The following PTK2B variants were observed in gnomAD, a reference collection of about 807,000 sequenced individuals.
The protein encoded by PTK2B is protein tyrosine kinase 2 beta.
PTK2B carries 71 observed loss-of-function variants against 142.9 expected under a neutral mutation model. That is an observed-to-expected ratio of 0.50 (90% CI 0.41 to 0.61). PTK2B has a LOEUF of 0.61. PTK2B is among the 20% of genes least tolerant of loss of function. PTK2B has a pLI of 0.00. For synonymous variants in PTK2B, 519 were observed against 503.4 expected (o/e 1.03, Z -0.42); for missense variants, 1,105 against 1,320.4 (o/e 0.84, Z 2.53).
intron 2 of PTK2B, among the ~76,000 whole-genome samples, chr8:27,402,571 T>C (rs567827750): frequency 6.6e-6 from 1 of 152,306 alleles, no homozygotes; most frequent in East Asian, 1.9e-4. Flanking sequence ...CAAATGTTTG[T>C]TGGATCCTTC....
At chr8:27,407,492 C>T (rs1389503813) in intron 2 of PTK2B, among the ~76,000 whole-genome samples, 1 of 152,218 alleles carries the variant, frequency 6.6e-6, no homozygotes, top group Admixed American at 6.5e-5. Flanking sequence ...GCACTTCACC[C>T]ACCTGCTGCT....
At position 27,420,644 on chromosome 8, in the gene PTK2B, T is replaced by A. The variant is rs770019973; in HGVS notation, c.384-13T>A. 2 of 1,611,512 alleles carry A rather than the reference T, an allele frequency of 1.2e-6. No individual in the cohort carries two copies. Among genetic ancestry groups the A allele is most frequent in the Non-Finnish European group, 1.7e-6 (2 of 1,177,592 alleles). ...TTCTCTGTGTCAACCAGAGCCTGAA[T>A]GTCTTGTTGCAGGTATGACCTTCAA... is the stretch of plus-strand genomic sequence containing the variant. On this transcript the variant is annotated splice_polypyrimidine_tract_variant and intron_variant, in intron 3 of 30. Transcript: ENST00000346049.
chr8:27,378,322 G>T (rs1806791533), intron 1 of PTK2B, among the ~76,000 whole-genome samples: 1 of 152,218 alleles, frequency 6.6e-6, no homozygotes, highest in Non-Finnish European at 1.5e-5. Context: ...TATGGTGAGG[G>T]ATTCAGGGGG....
At chr8:27,356,150 C>T (rs978576756) in intron 1 of PTK2B, among the ~76,000 whole-genome samples, 1 of 152,132 alleles carries the variant, frequency 6.6e-6, no homozygotes, top group Admixed American at 6.5e-5. Context: ...AAAACATGGC[C>T]CCCTTAGTGA....
intron 23 of PTK2B, 127 bp from the exon 24 acceptor site, chr8:27,445,667 C>A: frequency 7.3e-7 from 1 of 1,378,318 alleles, no homozygotes; most frequent in Non-Finnish European, 1.0e-6. Context: ...TTTATTAACT[C>A]CTGGAGAGCA....
chr8:27,342,685 G>A (rs188125571), intron 1 of PTK2B, among the ~76,000 whole-genome samples: 10 of 151,980 alleles, frequency 6.6e-5, no homozygotes, highest in African/African-American at 2.4e-4. Context: ...AGTTCATCCC[G>A]TCTGTGCTCC....
At chr8:27,339,586 C>T (rs886447448) in intron 1 of PTK2B, among the ~76,000 whole-genome samples, 4 of 152,082 alleles carry the variant, frequency 2.6e-5, no homozygotes, top group South Asian at 2.1e-4. Context: ...GAGACATGGG[C>T]GAAAGCTTGA....
chr8:27,397,825 C>G (rs1184022018), intron 2 of PTK2B, 37 bp downstream of exon 2: 3 of 1,604,876 alleles, frequency 1.9e-6, no homozygotes, highest in Admixed American at 3.3e-5. Flanking sequence ...ATCTGTCTGT[C>G]CCTCTGTCTT....
At chr8:27,407,363 C>G (rs890309009) in intron 2 of PTK2B, among the ~76,000 whole-genome samples, 8 of 152,160 alleles carry the variant, frequency 5.3e-5, no homozygotes, top group African/African-American at 1.7e-4. Context: ...TAAAACCCTT[C>G]ATGATTCTCT....
chr8:27,342,198 A>G (rs1447677638), intron 1 of PTK2B, among the ~76,000 whole-genome samples: 1 of 151,348 alleles, frequency 6.6e-6, no homozygotes, highest in Non-Finnish European at 1.5e-5. Context: ...CCCCTACTCC[A>G]CGGGTGAGAT....
intron 2 of PTK2B, among the ~76,000 whole-genome samples, chr8:27,416,648 A>G (rs867424900): frequency 1.3e-4 from 20 of 152,360 alleles, no homozygotes; most frequent in Middle Eastern, 3.4e-3. Flanking sequence ...CTGTCAGAAG[A>G]CATTGATTAG....
intron 1 of PTK2B, among the ~76,000 whole-genome samples, chr8:27,332,996 A>C (rs771543108): frequency 1.3e-5 from 2 of 152,278 alleles, no homozygotes; most frequent in African/African-American, 4.8e-5. Flanking sequence ...AAAGGTAAAT[A>C]ATGTGCCATA....
chr8:27,342,915 C>G (rs776675995), intron 1 of PTK2B, among the ~76,000 whole-genome samples: 6 of 152,188 alleles, frequency 3.9e-5, no homozygotes, highest in Admixed American at 1.3e-4. Context: ...CAAACCGAGA[C>G]CTGTTTACAT....
intron 2 of PTK2B, among the ~76,000 whole-genome samples, chr8:27,414,455 T>C (rs1024923147): frequency 8.5e-5 from 13 of 152,118 alleles, no homozygotes; most frequent in African/African-American, 2.7e-4. Context: ...ACCATGTTAA[T>C]CAGGATGGTC....
intron 1 of PTK2B, among the ~76,000 whole-genome samples, chr8:27,365,108 T>A (rs1805941404): frequency 6.6e-6 from 1 of 152,242 alleles, no homozygotes; most frequent in South Asian, 2.1e-4. Flanking sequence ...AAGGTCCAAC[T>A]CATATCCTGC....
chr8:27,407,090 A>G (rs1312879502), intron 2 of PTK2B, among the ~76,000 whole-genome samples: 2 of 152,194 alleles, frequency 1.3e-5, no homozygotes, highest in South Asian at 2.1e-4. Context: ...GAATGGTCTC[A>G]TTTTTAACAG....
At chr8:27,371,973 G>C (rs1017025236) in intron 1 of PTK2B, among the ~76,000 whole-genome samples, 1 of 152,202 alleles carries the variant, frequency 6.6e-6, no homozygotes, top group African/African-American at 2.4e-5. Flanking sequence ...TATGACGCTT[G>C]AGCTAGGGAC....
chr8:27,448,311 C>T (rs1015991472), intron 24 of PTK2B, among the ~76,000 whole-genome samples: 3 of 152,166 alleles, frequency 2.0e-5, no homozygotes, highest in Non-Finnish European at 2.9e-5. Context: ...TCACAACTTA[C>T]GAGAGTCATT....
chr8:27,375,924 T>G (rs1218115816), intron 1 of PTK2B, among the ~76,000 whole-genome samples: 1 of 152,190 alleles, frequency 6.6e-6, no homozygotes, highest in Non-Finnish European at 1.5e-5. Context: ...ATTAGGCACT[T>G]GACACATGAT....
Sources: allele counts gnomAD v4.1 joint callset (sites outside exome capture counted in the v4.1 genomes callset), GRCh38; gene constraint gnomAD v4.1.1; transcripts MANE v1.5; gene names NCBI Gene and HGNC (gene_info 2026-07-23, HGNC 2026-07-21).